The following PIAS1 variants were observed in gnomAD, a reference collection of about 807,000 sequenced individuals.
PIAS1 encodes the protein protein inhibitor of activated STAT 1.
Under a neutral mutation model 71.3 loss-of-function variants are expected in PIAS1, and 6 were observed. That is an observed-to-expected ratio of 0.08 (90% CI 0.05 to 0.17). PIAS1 has a LOEUF of 0.17. Ranked by LOEUF, PIAS1 falls within the 10% of genes least tolerant of loss-of-function variation. The pLI is 1.00. For synonymous variants in PIAS1, 303 were observed against 292.9 expected (o/e 1.03, Z -0.35); for missense variants, 555 against 793.6 (o/e 0.70, Z 3.61).
chr15:68,144,134 A>G (rs1422642769), intron 4 of PIAS1, among the ~76,000 whole-genome samples: 3 of 151,898 alleles, frequency 2.0e-5, no homozygotes, highest in South Asian at 4.2e-4. Flanking sequence ...AAAAAAAAAA[A>G]AAGAACCATG....
At chr15:68,136,772 T>C (rs2141040690) in intron 2 of PIAS1, among the ~76,000 whole-genome samples, 1 of 152,280 alleles carries the variant, frequency 6.6e-6, no homozygotes, top group African/African-American at 2.4e-5. Flanking sequence ...TAAAAATCTT[T>C]TATATCATCT....
chr15:68,176,751 A>G (rs905781097), intron 11 of PIAS1, 97 bp downstream of exon 11: 25 of 867,500 alleles, frequency 2.9e-5, no homozygotes, highest in Middle Eastern at 3.3e-4. Flanking sequence ...CTTGATTGTG[A>G]AACTTAACTT....
intron 2 of PIAS1, among the ~76,000 whole-genome samples, chr15:68,116,737 C>T (rs993870504): frequency 1.3e-5 from 2 of 151,886 alleles, no homozygotes; most frequent in African/African-American, 4.8e-5. Flanking sequence ...TCTCTAAATA[C>T]TGCTTTAGCT....
chr15:68,133,114 T>C (rs2092698920), intron 2 of PIAS1, among the ~76,000 whole-genome samples: 1 of 152,058 alleles, frequency 6.6e-6, no homozygotes, highest in Non-Finnish European at 1.5e-5. Context: ...GAGAGATCAC[T>C]CCCATACCAA....
At chr15:68,066,902 G>C (rs2092035126) in intron 1 of PIAS1, among the ~76,000 whole-genome samples, 1 of 152,152 alleles carries the variant, frequency 6.6e-6, no homozygotes, top group Non-Finnish European at 1.5e-5. Flanking sequence ...ATAGTCCCAG[G>C]AATGAGATTA....
At chr15:68,141,868 T>G in intron 2 of PIAS1, 78 bp from the exon 3 acceptor site, 1 of 812,880 alleles carries the variant, frequency 1.2e-6, no homozygotes, top group Non-Finnish European at 2.0e-6. Context: ...ATTAAAGACA[T>G]GTGTGTTTTT....
intron 2 of PIAS1, among the ~76,000 whole-genome samples, chr15:68,103,588 C>T (rs1458894705): frequency 2.0e-5 from 3 of 152,284 alleles, no homozygotes; most frequent in African/African-American, 7.2e-5. Context: ...AAAAGAGCCT[C>T]TCTACCCATT....
intron 2 of PIAS1, among the ~76,000 whole-genome samples, chr15:68,133,282 A>G (rs1394509889): frequency 2.6e-5 from 4 of 152,140 alleles, no homozygotes; most frequent in African/African-American, 9.6e-5. Flanking sequence ...ATATGAATAA[A>G]TGGACACAGG....
chr15:68,150,943 T>C (rs2092839556), intron 6 of PIAS1, among the ~76,000 whole-genome samples: 1 of 152,256 alleles, frequency 6.6e-6, no homozygotes, highest in South Asian at 2.1e-4. Context: ...CAACTTGTAC[T>C]AGTGTAAGGG....
chr15:68,125,163 T>C lies in PIAS1; in HGVS notation c.470-16783T>C, dbSNP rs1019308309. Among the ~76,000 whole-genome samples the C allele has an allele frequency of 7.2e-5, 11 of 152,346 alleles. 1 individual carries two copies. The highest frequency in any genetic ancestry group is 1.0e-4 in the Non-Finnish European group (7 of 68,032). The stretch of plus-strand genomic sequence containing the variant: ...TTCTGGTCATTTTCTTTTCTTTTTT[T>C]TTCCCCCTGTGTACTTATTTCTCAT... On this transcript the variant is annotated intron_variant, in intron 2 of 13. Transcript: ENST00000249636.
intron 2 of PIAS1, among the ~76,000 whole-genome samples, chr15:68,108,613 A>G (rs184228509): frequency 3.4e-4 from 52 of 152,268 alleles, no homozygotes; most frequent in African/African-American, 1.2e-3. Flanking sequence ...CCTGCTTTAT[A>G]TCACCATTCA....
intron 2 of PIAS1, among the ~76,000 whole-genome samples, chr15:68,090,786 A>G (rs915517558): frequency 7.2e-5 from 11 of 152,168 alleles, no homozygotes; most frequent in African/African-American, 2.7e-4. Flanking sequence ...GAAATTTAAT[A>G]TACTCCATTT....
chr15:68,108,750 T>C (rs1305498740), intron 2 of PIAS1, among the ~76,000 whole-genome samples: 1 of 152,174 alleles, frequency 6.6e-6, no homozygotes, highest in Non-Finnish European at 1.5e-5. Context: ...AGTCAAAAAC[T>C]CTGGAGTTAT....
At position 68,185,563 on chromosome 15, in the gene PIAS1, A is replaced by C. The variant is rs943871507; in HGVS notation, c.1662+1896A>C. On this transcript the variant is annotated intron_variant, in intron 13 of 13. Transcript: ENST00000249636. The surrounding 1 kb of genome is among the most constrained non-coding windows in gnomAD (Gnocchi z 4.4). Reference sequence around the variant, plus strand: ...CACGCAGCTGAAGAAGGTGCAAGAGAAAAGGAAACTGCAGGAGACAAAAAG... The same window carrying C: ...CACGCAGCTGAAGAAGGTGCAAGAGCAAAGGAAACTGCAGGAGACAAAAAG... Among the ~76,000 whole-genome samples the C allele has an allele frequency of 1.3e-4, 20 of 152,222 alleles. 2 individuals carry two copies. The highest frequency in any genetic ancestry group is 1.2e-3 in the Admixed American group (18 of 15,286).
At chr15:68,108,853 C>T (rs1234448861) in intron 2 of PIAS1, among the ~76,000 whole-genome samples, 1 of 152,186 alleles carries the variant, frequency 6.6e-6, no homozygotes, top group East Asian at 1.9e-4. Context: ...TGACCATTCT[C>T]ATGACCTTTA....
At chr15:68,155,460 A>AAC (rs1567067532) in intron 7 of PIAS1, among the ~76,000 whole-genome samples, 8 of 151,236 alleles carry the variant, frequency 5.3e-5, no homozygotes, top group Admixed American at 3.3e-4. Flanking sequence ...AAAAAAAAAA[A>AAC]AAAAAAAAAA....
intron 4 of PIAS1, 65 bp downstream of exon 4, chr15:68,142,402 T>C (rs2141048060): frequency 8.4e-7 from 1 of 1,188,148 alleles, no homozygotes; most frequent in Non-Finnish European, 1.3e-6. Context: ...ACAGTACGGG[T>C]CCAGTTAAGG....
At chr15:68,155,420 G>T (rs1467580098) in intron 7 of PIAS1, among the ~76,000 whole-genome samples, 1 of 128,724 alleles carries the variant, frequency 7.8e-6, no homozygotes, top group Non-Finnish European at 1.6e-5. Context: ...TAAAAAACAG[G>T]TTATCTACCT....
chr15:68,083,147 G>GTAA (rs66998518), intron 1 of PIAS1, among the ~76,000 whole-genome samples: 14 of 150 alleles, frequency 0.093, no homozygotes, highest in Non-Finnish European at 0.15. Flanking sequence ...TTATTTTGTT[G>GTAA]TGCTAACAAA....
Sources: gnomAD v4.1 joint callset for allele counts (sites outside exome capture counted in the v4.1 genomes callset) on GRCh38, gnomAD v4.1.1 for gene constraint, Gnocchi (gnomAD v3.1) non-coding constraint, MANE v1.5 for transcripts, NCBI Gene and HGNC (gene_info 2026-07-23, HGNC 2026-07-21) for gene names.